RANBP2: variants seen among roughly 807,000 people sequenced by gnomAD.
RANBP2 encodes the protein E3 SUMO-protein ligase RanBP2.
A neutral mutation model predicts 303.6 loss-of-function variants in RANBP2; 57 were observed. That is an observed-to-expected ratio of 0.19 (90% CI 0.15 to 0.23). The LOEUF is 0.23. Ranked by LOEUF, RANBP2 falls within the 10% of genes least tolerant of loss-of-function variation. RANBP2 has a pLI of 1.00. For missense variants in RANBP2, 3,138 were observed against 3,780.8 expected (o/e 0.83, Z 4.46); for synonymous variants, 1,167 against 1,301.5 (o/e 0.90, Z 2.23).
the RANBP2 span, among the ~76,000 whole-genome samples, chr2:108,990,203 G>A: frequency 2.1e-4 from 31 of 150,726 alleles, no homozygotes; most frequent in African/African-American, 3.9e-4. Context: ...AGGCCGAGGC[G>A]GGTGGATCAT....
At chr2:109,270,904 C>T in the RANBP2 span, among the ~76,000 whole-genome samples, 1 of 152,242 alleles carries the variant, frequency 6.6e-6, no homozygotes, top group African/African-American at 2.4e-5. Flanking sequence ...CTGCCTCACA[C>T]AGCATCAGGA....
At chr2:109,663,125 G>A in the RANBP2 span, among the ~76,000 whole-genome samples, 289 of 152,220 alleles carry the variant, frequency 1.9e-3, 2 homozygotes, top group Middle Eastern at 6.8e-3. Flanking sequence ...TTTCCCTGAA[G>A]GTACTTTGTG....
At chr2:109,675,142 T>A in the RANBP2 span, among the ~76,000 whole-genome samples, 3 of 152,148 alleles carry the variant, frequency 2.0e-5, no homozygotes, top group Admixed American at 6.5e-5. Context: ...TAATTTTGTA[T>A]TTTTACTTTT....
At chr2:109,572,724 CT>C in the RANBP2 span, among the ~76,000 whole-genome samples, 2 of 145,964 alleles carry the variant, frequency 1.4e-5, no homozygotes, top group Non-Finnish European at 3.0e-5. Flanking sequence ...TCAAGCAATT[CT>C]CCTGCCTCAG....
the RANBP2 span, among the ~76,000 whole-genome samples, chr2:109,150,120 A>T: frequency 6.6e-6 from 1 of 152,196 alleles, no homozygotes; most frequent in African/African-American, 2.4e-5. Context: ...GCAGAAGGCC[A>T]ACAAAAGGTG....
the RANBP2 span, among the ~76,000 whole-genome samples, chr2:109,079,309 G>C: frequency 6.6e-6 from 1 of 152,078 alleles, no homozygotes; most frequent in East Asian, 1.9e-4. Flanking sequence ...TAAGAATGCA[G>C]TACTCAATAC....
At chr2:109,584,234 C>T in the RANBP2 span, among the ~76,000 whole-genome samples, 12 of 152,048 alleles carry the variant, frequency 7.9e-5, no homozygotes, top group Non-Finnish European at 1.6e-4. Context: ...CCTAGCACTT[C>T]GGGAGGCCGA....
At chr2:109,331,901 C>G in the RANBP2 span, among the ~76,000 whole-genome samples, 3 of 152,212 alleles carry the variant, frequency 2.0e-5, no homozygotes, top group Non-Finnish European at 4.4e-5. Flanking sequence ...CTGCAGTCCA[C>G]TGCCTCTCTG....
the RANBP2 span, among the ~76,000 whole-genome samples, chr2:109,598,230 G>A: frequency 6.6e-6 from 1 of 151,758 alleles, no homozygotes; most frequent in Non-Finnish European, 1.5e-5. Context: ...ACCACACCTG[G>A]CTAACTTTTG....
the RANBP2 span, chr2:109,449,267 C>T: frequency 9.9e-6 from 16 of 1,612,254 alleles, no homozygotes; most frequent in African/African-American, 2.7e-5. Context: ...CCACCAGCCT[C>T]AGGCCCCACT....
intron 25 of RANBP2, among the ~76,000 whole-genome samples, chr2:108,777,848 T>A (rs1218979324): frequency 6.6e-6 from 1 of 152,200 alleles, no homozygotes; most frequent in African/African-American, 2.4e-5. Flanking sequence ...TAAATAGTTC[T>A]AGTACAAGGT....
At chr2:109,208,281 C>T in the RANBP2 span, among the ~76,000 whole-genome samples, 3 of 152,228 alleles carry the variant, frequency 2.0e-5, no homozygotes, top group South Asian at 4.1e-4. Flanking sequence ...CACAGACACT[C>T]CTGCCACCTG....
At chr2:108,781,491 G>GGCT (rs781217920) in intron 26 of RANBP2, 62 bp downstream of exon 26, 138 of 1,503,124 alleles carry the variant, frequency 9.2e-5, no homozygotes, top group Non-Finnish European at 1.2e-4. Context: ...GTTTTACCCT[G>GGCT]GCTTGATCTG....
chr2:109,587,245 G>A, the RANBP2 span, among the ~76,000 whole-genome samples: 1 of 152,024 alleles, frequency 6.6e-6, no homozygotes, highest in South Asian at 2.1e-4. Context: ...AACATCTGAA[G>A]TAAAAAATAT....
chr2:109,713,968 C>A, the RANBP2 span, among the ~76,000 whole-genome samples: 1 of 152,260 alleles, frequency 6.6e-6, no homozygotes, highest in East Asian at 1.9e-4. Context: ...CTGACACTAT[C>A]TACCTGGAGT....
the RANBP2 span, chr2:109,614,460 C>A: frequency 4.1e-6 from 5 of 1,214,820 alleles, no homozygotes; most frequent in Non-Finnish European, 5.1e-6. Flanking sequence ...CGCTGAGCCG[C>A]CCGCTGGCGG....
At chr2:109,549,727 C>G in the RANBP2 span, among the ~76,000 whole-genome samples, 1 of 152,068 alleles carries the variant, frequency 6.6e-6, no homozygotes. Flanking sequence ...AGTACCATAC[C>G]CTATGTTTTT....
the RANBP2 span, among the ~76,000 whole-genome samples, chr2:109,100,917 T>G: frequency 6.6e-6 from 1 of 152,156 alleles, no homozygotes; most frequent in South Asian, 2.1e-4. Flanking sequence ...GAGATTTAAG[T>G]CAATTGTGCA....
the RANBP2 span, among the ~76,000 whole-genome samples, chr2:109,015,795 C>T: frequency 0.013 from 1,971 of 152,154 alleles, 16 homozygotes; most frequent in South Asian, 0.027. Flanking sequence ...ATAAAGAATA[C>T]GGTATATAAT....
Sources: allele counts gnomAD v4.1 joint callset (sites outside exome capture counted in the v4.1 genomes callset), GRCh38; gene constraint gnomAD v4.1.1; transcripts MANE v1.5; gene names NCBI Gene and HGNC (gene_info 2026-07-23, HGNC 2026-07-21).